TTC29: variants seen among roughly 807,000 people sequenced by gnomAD.
TTC29 encodes the protein tetratricopeptide repeat protein 29.
Under a neutral mutation model 58.1 loss-of-function variants are expected in TTC29, and 49 were observed. The observed-to-expected ratio is 0.84, with a 90% CI of 0.67 to 1.07. TTC29 has a LOEUF of 1.07. Among genes scored for constraint, TTC29 ranks in the 50% least tolerant of loss-of-function variants. The probability of loss-of-function intolerance (pLI) is 0.00; values close to 1 mark genes in which losing one functional copy is unlikely to be tolerated. For missense variants in TTC29, 582 were observed against 555.6 expected (o/e 1.05, Z -0.48); for synonymous variants, 209 against 196.8 (o/e 1.06, Z -0.52).
chr4:146,794,550 A>G (rs1401300217), intron 11 of TTC29, among the ~76,000 whole-genome samples: 1 of 152,150 alleles, frequency 6.6e-6, no homozygotes, highest in East Asian at 1.9e-4. Context: ...AATTTTCCCA[A>G]GTTTTCTCAC....
In TTC29 at chr4:146,939,783, G is replaced by C. The variant is rs370817128; in HGVS notation, c.92+21C>G. 3.1e-4 allele frequency: 487 copies of C among 1,588,986 alleles called. 2 individuals are homozygous for C. The highest frequency in any genetic ancestry group is 2.6e-3 in the South Asian group (219 of 85,858). ...GAAAATTCCTTCTGTAGGAAAATAA[G>C]TAAAAACCAGGGGCACGTACCTTGG... is the stretch of plus-strand genomic sequence containing the variant. On this transcript the variant is annotated intron_variant, in intron 3 of 12. Transcript: ENST00000325106.
At chr4:146,753,374 A>T (rs1746172681) in intron 11 of TTC29, among the ~76,000 whole-genome samples, 1 of 152,238 alleles carries the variant, frequency 6.6e-6, no homozygotes, top group South Asian at 2.1e-4. Context: ...ACCAGTTAGA[A>T]TGACGATCAT....
intron 6 of TTC29, among the ~76,000 whole-genome samples, chr4:146,894,857 G>C (rs1287047531): frequency 6.6e-6 from 1 of 151,992 alleles, no homozygotes; most frequent in Non-Finnish European, 1.5e-5. Flanking sequence ...CAACTTTTAA[G>C]TTCAGTGGTA....
chr4:146,871,199 T>C (rs769244516), intron 7 of TTC29, among the ~76,000 whole-genome samples: 2 of 151,956 alleles, frequency 1.3e-5, no homozygotes, highest in Non-Finnish European at 2.9e-5. Flanking sequence ...TCAATTAGTA[T>C]AATATAACAT....
chr4:146,787,025 G>A (rs2150096348), intron 11 of TTC29, among the ~76,000 whole-genome samples: 1 of 152,260 alleles, frequency 6.6e-6, no homozygotes, highest in South Asian at 2.1e-4. Flanking sequence ...GGAGGCTGGG[G>A]CAGGAGGGTT....
chr4:146,821,991 T>G (rs1378584605), intron 9 of TTC29, among the ~76,000 whole-genome samples: 4 of 150,924 alleles, frequency 2.7e-5, no homozygotes, highest in African/African-American at 4.9e-5. Flanking sequence ...TAGTGTTTTT[T>G]TTTTTTTTTT....
At chr4:146,934,627 G>T (rs1030803715) in intron 4 of TTC29, among the ~76,000 whole-genome samples, 31 of 152,086 alleles carry the variant, frequency 2.0e-4, no homozygotes, top group African/African-American at 7.5e-4. Flanking sequence ...TGGCTGAAGT[G>T]CACCTAGGAC....
chr4:146,942,533 G>A, intron 2 of TTC29: 3 of 1,189,362 alleles, frequency 2.5e-6, no homozygotes, highest in Non-Finnish European at 3.5e-6. Flanking sequence ...TAACTCATGT[G>A]AGGTTTGAAG....
chr4:146,943,021 T>G (rs187304669), intron 2 of TTC29: 1 of 164,180 alleles, frequency 6.1e-6, no homozygotes, highest in Admixed American at 6.4e-5. Context: ...AAAGTTGGCA[T>G]ACCAGCATGT....
At chr4:146,823,366 T>C (rs1751971027) in intron 9 of TTC29, among the ~76,000 whole-genome samples, 1 of 152,206 alleles carries the variant, frequency 6.6e-6, no homozygotes, top group East Asian at 1.9e-4. Flanking sequence ...AGGAGATCCT[T>C]TCCCCATTGA....
chr4:146,811,336 AAG>A (rs1751009354), intron 10 of TTC29, among the ~76,000 whole-genome samples: 1 of 152,208 alleles, frequency 6.6e-6, no homozygotes, highest in Admixed American at 6.5e-5. Flanking sequence ...CCTCAGAGAA[AAG>A]AGCATCTTCT....
At chr4:146,726,807 A>T (rs991663001) in intron 11 of TTC29, among the ~76,000 whole-genome samples, 1 of 152,118 alleles carries the variant, frequency 6.6e-6, no homozygotes, top group Non-Finnish European at 1.5e-5. Context: ...AACTTTATTA[A>T]CTTTTGTGAA....
At chr4:146,810,190 C>G (rs1750916430) in intron 10 of TTC29, among the ~76,000 whole-genome samples, 1 of 152,084 alleles carries the variant, frequency 6.6e-6, no homozygotes, top group Admixed American at 6.6e-5. Flanking sequence ...TGTTCTCACT[C>G]ATAAGTGGGA....
At chr4:146,823,528 G>C (rs1468029965) in intron 9 of TTC29, among the ~76,000 whole-genome samples, 1 of 152,152 alleles carries the variant, frequency 6.6e-6, no homozygotes, top group Non-Finnish European at 1.5e-5. Context: ...TTGAAGTCAG[G>C]TAGCATGATG....
rs572951473 is a variant in TTC29 at position 146,921,157 on chromosome 4, T to G, written c.177-11908A>C. On this transcript the variant is annotated intron_variant, in intron 4 of 12. Coordinates refer to ENST00000325106, the MANE Select transcript of TTC29 (RefSeq NM_031956.4). ...AAGCCAGGAGTTTTCACAGACTATATGTATATGATAAACTTCCAGAACATA... is the reference window on the plus strand; with the variant it reads ...AAGCCAGGAGTTTTCACAGACTATAGGTATATGATAAACTTCCAGAACATA... 3.3e-5 allele frequency among the ~76,000 whole-genome samples: 5 copies of G among 151,586 alleles called. No homozygotes were observed. The South Asian group carries it at 1.0e-3, about 31-fold the overall frequency.
chr4:146,859,691 G>A (rs1456910931), intron 8 of TTC29, among the ~76,000 whole-genome samples: 1 of 152,068 alleles, frequency 6.6e-6, no homozygotes, highest in East Asian at 1.9e-4. Flanking sequence ...AGAAGAGAGA[G>A]GAGTGATAAC....
intron 7 of TTC29, among the ~76,000 whole-genome samples, chr4:146,873,498 C>A (rs1204350403): frequency 1.3e-5 from 2 of 152,274 alleles, no homozygotes; most frequent in Non-Finnish European, 2.9e-5. Flanking sequence ...ACCCAAGGAA[C>A]TTTTCTTTCT....
intron 11 of TTC29, among the ~76,000 whole-genome samples, chr4:146,754,275 T>C (rs1282354686): frequency 6.6e-6 from 1 of 151,878 alleles, no homozygotes; most frequent in South Asian, 2.1e-4. Context: ...CCTACCAAGA[T>C]TGAGTCAGGA....
At chr4:146,752,266 G>A (rs372779067) in intron 11 of TTC29, among the ~76,000 whole-genome samples, 17 of 147,196 alleles carry the variant, frequency 1.2e-4, no homozygotes, top group East Asian at 6.0e-4. Flanking sequence ...ATTCTTATAC[G>A]CCAATAACAG....
Sources: allele counts gnomAD v4.1 joint callset (sites outside exome capture counted in the v4.1 genomes callset), GRCh38; gene constraint gnomAD v4.1.1; transcripts MANE v1.5; gene names NCBI Gene and HGNC (gene_info 2026-07-23, HGNC 2026-07-21).